Variants in CAPSL observed in about 807,000 individuals in gnomAD.
CAPSL encodes calcyphosin-like protein.
A neutral mutation model predicts 21.3 loss-of-function variants in CAPSL; 17 were observed. The observed-to-expected ratio is 0.80, with a 90% CI of 0.55 to 1.20. CAPSL has a LOEUF of 1.20. CAPSL is among the 50% of genes most tolerant of loss of function. CAPSL has a pLI of 0.00. For missense variants in CAPSL, 289 were observed against 259.3 expected (o/e 1.11, Z -0.79); for synonymous variants, 102 against 89.3 (o/e 1.14, Z -0.80).
intron 1 of CAPSL, among the ~76,000 whole-genome samples, chr5:35,922,279 T>C (rs1450394777): frequency 6.6e-6 from 1 of 152,154 alleles, no homozygotes; most frequent in East Asian, 1.9e-4. Flanking sequence ...GGGTACTCCT[T>C]ATTTGACTTT....
chr5:35,922,438 G>A (rs997250156), intron 1 of CAPSL, among the ~76,000 whole-genome samples: 4 of 152,080 alleles, frequency 2.6e-5, no homozygotes, highest in African/African-American at 9.7e-5. Flanking sequence ...TTCCCAGTAT[G>A]TGGATGAAGG....
chr5:35,932,759 G>A (rs777084157), intron 1 of CAPSL, among the ~76,000 whole-genome samples: 3 of 152,168 alleles, frequency 2.0e-5, no homozygotes, highest in African/African-American at 4.8e-5. Context: ...TGGAGCAACC[G>A]GATCACTCTG....
chr5:35,913,977 A>T (rs1269205071), intron 2 of CAPSL, among the ~76,000 whole-genome samples: 1 of 152,216 alleles, frequency 6.6e-6, no homozygotes, highest in African/African-American at 2.4e-5. Flanking sequence ...TCAAATGCAG[A>T]GACACACACA....
chr5:35,926,248 A>G (rs1454054413), intron 1 of CAPSL, among the ~76,000 whole-genome samples: 1 of 152,144 alleles, frequency 6.6e-6, no homozygotes, highest in Non-Finnish European at 1.5e-5. Flanking sequence ...CCAGTGGCAG[A>G]ACGTGCAGTT....
At chr5:35,918,420 G>C (rs1738447907) in intron 2 of CAPSL, among the ~76,000 whole-genome samples, 1 of 152,152 alleles carries the variant, frequency 6.6e-6, no homozygotes, top group South Asian at 2.1e-4. Flanking sequence ...AGATTACGTG[G>C]ACACAAGGAG....
chr5:35,904,911 G>A (rs1760642268), intron 4 of CAPSL, among the ~76,000 whole-genome samples: 1 of 152,172 alleles, frequency 6.6e-6, no homozygotes, highest in African/African-American at 2.4e-5. Context: ...TTTTGTCTAA[G>A]GGTGGGAGCC....
At chr5:35,910,243 T>G in intron 3 of CAPSL, 123 bp downstream of exon 3, 1 of 1,201,450 alleles carries the variant, frequency 8.3e-7, no homozygotes, top group Non-Finnish European at 1.2e-6. Flanking sequence ...CTGTTCACAG[T>G]TTTCTGCTTA....
At chr5:35,932,558 T>C (rs1383226502) in intron 1 of CAPSL, among the ~76,000 whole-genome samples, 3 of 152,176 alleles carry the variant, frequency 2.0e-5, no homozygotes, top group Non-Finnish European at 4.4e-5. Flanking sequence ...AAACCTGATT[T>C]TTGGCTGAAT....
intron 2 of CAPSL, among the ~76,000 whole-genome samples, chr5:35,916,778 G>A (rs575560771): frequency 6.6e-6 from 1 of 152,238 alleles, no homozygotes; most frequent in South Asian, 2.1e-4. Flanking sequence ...GAAAACCTAG[G>A]CAATACCATT....
At chr5:35,923,760 G>A (rs890881708) in intron 1 of CAPSL, among the ~76,000 whole-genome samples, 1 of 152,194 alleles carries the variant, frequency 6.6e-6, no homozygotes, top group Non-Finnish European at 1.5e-5. Context: ...GAGGGCCAGT[G>A]GGGAGTGACT....
At chr5:35,904,752 G>A in intron 4 of CAPSL, 106 bp from the exon 5 acceptor site, 1 of 1,503,442 alleles carries the variant, frequency 6.7e-7, no homozygotes, top group Non-Finnish European at 8.9e-7. Context: ...GGATTTCTTT[G>A]TGTATGTGAT....
chr5:35,932,489 A>T (rs1738847386), intron 1 of CAPSL, among the ~76,000 whole-genome samples: 1 of 152,212 alleles, frequency 6.6e-6, no homozygotes, highest in Non-Finnish European at 1.5e-5. Flanking sequence ...AGTGGTTCCC[A>T]GAAGATTCAC....
chr5:35,914,251 A>G (rs1239593835), intron 2 of CAPSL, among the ~76,000 whole-genome samples: 2 of 152,186 alleles, frequency 1.3e-5, no homozygotes, highest in African/African-American at 2.4e-5. Flanking sequence ...CTCCCACACA[A>G]TAATAATGGG....
In CAPSL at chr5:35,910,427, C is replaced by T. The variant is rs1445898; in HGVS notation, c.254G>A (p.Arg85Gln). The T allele has an allele frequency of 0.46, 745,711 of 1,612,522 alleles. 180,477 individuals carry two copies. The highest frequency in any genetic ancestry group is 0.77 in the East Asian group (34,492 of 44,836). Residue 85 changes from arginine to glutamine, a missense_variant, in exon 3 of 5, where the codon CGG (arginine) becomes CAG (glutamine). Arg to Gln is a conservative substitution (Grantham distance 43). Transcript: ENST00000651391. ...TCCATTTCCATCTTTATCAAACCTC[C>T]GGAAAAGTTCTTCCACCTCTTCTTT... ...MEKEEVEELF[R>Q]RFDKDGNGTI...
Position 35,909,932 on chromosome 5 carries a change from C to G in CAPSL, c.459G>C (p.Trp153Cys), listed in dbSNP as rs1270630150. 3.1e-6 allele frequency: 5 copies of G among 1,613,884 alleles called. No individual in the cohort carries two copies. The highest frequency in any genetic ancestry group is 4.2e-6 in the Non-Finnish European group (5 of 1,179,918). ...ATTTCCTAAATACTTGTTCCTCACT[C>G]CATTCCCCATTCTGGTACTTTGGGT... ...KHHPKYQNGE[W>C]SEEQVFRKFL... Residue 153 changes from tryptophan (W) to cysteine (C), a missense_variant, in exon 4 of 5, where the codon TGG becomes TGC. Physicochemically the swap from Trp to Cys is radical, Grantham distance 215. Transcript: ENST00000651391.
chr5:35,910,535 C>T lies in CAPSL; in HGVS notation c.146G>A (p.Arg49Lys). Reference protein sequence around the residue: ...AGIKGLGRVFRIMDDDNNRTL... With the variant: ...AGIKGLGRVFKIMDDDNNRTL... The stretch of plus-strand genomic sequence containing the variant: ...TCGATTATTATCGTCATCCATAATT[C>T]TAAACACTCTGAAGAAAATACACAC... Residue 49 changes from arginine to lysine, a missense_variant, in exon 3 of 5, where the codon AGA (arginine) becomes AAA (lysine). Coordinates refer to ENST00000651391, the MANE Select transcript of CAPSL (RefSeq NM_001042625.2). 2 of 1,599,204 alleles carry T rather than the reference C, an allele frequency of 1.3e-6. No homozygotes were observed. Among genetic ancestry groups the T allele is most frequent in the Non-Finnish European group, 1.7e-6 (2 of 1,169,780 alleles).
At chr5:35,905,385 C>A (rs768666602) in intron 4 of CAPSL, among the ~76,000 whole-genome samples, 18 of 152,114 alleles carry the variant, frequency 1.2e-4, no homozygotes, top group Non-Finnish European at 1.5e-5. Flanking sequence ...TTGACATGAT[C>A]GGTTGGGGAC....
Position 35,910,433 on chromosome 5 carries a change from A to G in CAPSL, c.248T>C (p.Leu83Pro). 6.2e-7 allele frequency: 1 copy of G among 1,613,966 alleles called. No homozygotes were observed. Among genetic ancestry groups the G allele is most frequent in the Non-Finnish European group, 8.5e-7 (1 of 1,179,886 alleles). Residue 83 changes from leucine to proline, a missense_variant, in exon 3 of 5, where the codon CTT becomes CCT. Leu to Pro is a moderately conservative substitution (Grantham distance 98). Transcript: ENST00000651391. Reference sequence around the variant, plus strand: ...TCCATCTTTATCAAACCTCCGGAAAAGTTCTTCCACCTCTTCTTTTTCCAT... The same window carrying G: ...TCCATCTTTATCAAACCTCCGGAAAGGTTCTTCCACCTCTTCTTTTTCCAT... ...VVMEKEEVEE[L>P]FRRFDKDGNG...
chr5:35,910,208 A>T, intron 3 of CAPSL, 133 bp from the exon 4 acceptor site: 1 of 1,075,462 alleles, frequency 9.3e-7, no homozygotes, highest in Non-Finnish European at 1.3e-6. Flanking sequence ...AATAGACACT[A>T]CAATTGCTCC....
Sources: gnomAD v4.1 joint callset for allele counts (sites outside exome capture counted in the v4.1 genomes callset) on GRCh38, gnomAD v4.1.1 for gene constraint, MANE v1.5 for transcripts, NCBI Gene and HGNC (gene_info 2026-07-23, HGNC 2026-07-21) for gene names.